Variants in PKHD1 observed in about 807,000 individuals in gnomAD.
PKHD1 encodes fibrocystin.
A neutral mutation model predicts 412.0 loss-of-function variants in PKHD1; 291 were observed. The observed-to-expected ratio is 0.71, with a 90% CI of 0.64 to 0.78. PKHD1 has a LOEUF of 0.78. Ranked by LOEUF, PKHD1 falls within the 30% of genes least tolerant of loss-of-function variation. The pLI is 0.00. For synonymous variants in PKHD1, 1,777 were observed against 1,821.5 expected, an observed-to-expected ratio of 0.98 and a Z score of 0.62; for missense variants, 4,825 against 4,950.7, an observed-to-expected ratio of 0.97 and a Z score of 0.76.
Position 51,883,195 on chromosome 6 carries a change from G to T in PKHD1, c.7248C>A (p.Asn2416Lys). 10 of 1,612,362 alleles carry T rather than the reference G, an allele frequency of 6.2e-6. No homozygotes were observed. The highest frequency in any genetic ancestry group is 8.5e-6 in the Non-Finnish European group (10 of 1,178,446). ...IFRSSNLRLK[N>K]FKVYSCRDFG... ...AATCTCTGCATGAATAAACTTTGAA[G>T]TTTTTCAGGCGAAGATTGCTACTTC... The change falls in exon 46 of 67, where the codon AAC (asparagine) becomes AAA (lysine). Residue 2416 changes from asparagine to lysine, a missense_variant. Physicochemically the swap from Asn to Lys is moderately conservative, Grantham distance 94 (BLOSUM62 0). Coordinates refer to ENST00000371117, the MANE Select transcript of PKHD1 (RefSeq NM_138694.4).
At chr6:51,712,214 T>G (rs1350708618) in intron 60 of PKHD1, among the ~76,000 whole-genome samples, 1 of 152,122 alleles carries the variant, frequency 6.6e-6, no homozygotes, top group Non-Finnish European at 1.5e-5. Flanking sequence ...GGCCCCAAAT[T>G]TCAAAAGTTC....
intron 49 of PKHD1, among the ~76,000 whole-genome samples, chr6:51,851,998 G>A (rs942600996): frequency 6.6e-6 from 1 of 151,976 alleles, no homozygotes; most frequent in Non-Finnish European, 1.5e-5. Context: ...TGTGATGTTA[G>A]GGTATCGATT....
At chr6:51,973,432 C>T (rs1300927892) in intron 35 of PKHD1, among the ~76,000 whole-genome samples, 1 of 152,136 alleles carries the variant, frequency 6.6e-6, no homozygotes, top group South Asian at 2.1e-4. Flanking sequence ...TATACACATA[C>T]GTTTATACCA....
intron 37 of PKHD1, among the ~76,000 whole-genome samples, chr6:51,932,834 T>A (rs1372402764): frequency 2.6e-5 from 4 of 152,204 alleles, no homozygotes; most frequent in Non-Finnish European, 4.4e-5. Flanking sequence ...AGATCTTGCT[T>A]CCTTTCATAG....
intron 35 of PKHD1, among the ~76,000 whole-genome samples, chr6:51,962,573 C>T (rs1274641657): frequency 1.3e-5 from 2 of 152,062 alleles, no homozygotes; most frequent in Non-Finnish European, 2.9e-5. Context: ...ATACTGTTAT[C>T]TCTACTTTCC....
In PKHD1 at chr6:51,624,603, G is replaced by T. The variant is rs559304604; in HGVS notation, c.11785+2394C>A. Among the ~76,000 whole-genome samples the T allele has an allele frequency of 3.9e-5, 6 of 152,250 alleles. No homozygotes were observed. In the East Asian group the frequency reaches 1.2e-3, roughly 29 times the overall value. On this transcript the variant is annotated intron_variant, in intron 66 of 66. Coordinates refer to ENST00000371117, the MANE Select transcript of PKHD1 (RefSeq NM_138694.4). ...TTTCTTTTAGAAGAAGGCAGGGGCG[G>T]GTCTTTTTTTTCCCCAGCAGTTGTA...
chr6:51,859,254 C>T (rs1191068793), intron 48 of PKHD1, among the ~76,000 whole-genome samples: 2 of 152,020 alleles, frequency 1.3e-5, no homozygotes, highest in Non-Finnish European at 2.9e-5. Flanking sequence ...CGGCCGGGAG[C>T]GGTGGCTTAT....
At chr6:51,746,208 C>T (rs1325016841) in intron 59 of PKHD1, among the ~76,000 whole-genome samples, 1 of 152,132 alleles carries the variant, frequency 6.6e-6, no homozygotes, top group Non-Finnish European at 1.5e-5. Context: ...TAGACCTCAT[C>T]GTTCAGTTCA....
intron 35 of PKHD1, among the ~76,000 whole-genome samples, chr6:51,991,383 A>G (rs1797024130): frequency 6.6e-6 from 1 of 152,252 alleles, no homozygotes; most frequent in Non-Finnish European, 1.5e-5. Flanking sequence ...AATGTAAAAT[A>G]TAGCCACTAT....
chr6:52,006,030 T>A (rs941100525), intron 35 of PKHD1, among the ~76,000 whole-genome samples: 1 of 150,338 alleles, frequency 6.7e-6, no homozygotes, highest in Non-Finnish European at 1.5e-5. Flanking sequence ...GAGGAAGCAA[T>A]GGAAAGAAAC....
At chr6:52,027,930 T>G in intron 30 of PKHD1, 34 bp from the exon 31 acceptor site, 1 of 1,520,268 alleles carries the variant, frequency 6.6e-7, no homozygotes, top group Non-Finnish European at 9.1e-7. Flanking sequence ...AGGAAATAAC[T>G]GACAGAGAGA....
chr6:51,940,550 C>G (rs566985460), intron 36 of PKHD1, among the ~76,000 whole-genome samples: 17 of 151,840 alleles, frequency 1.1e-4, no homozygotes, highest in African/African-American at 4.1e-4. Flanking sequence ...CACTGAAAAT[C>G]GGACTGTTCA....
At chr6:51,724,907 C>T (rs1453587337) in intron 60 of PKHD1, among the ~76,000 whole-genome samples, 1 of 152,014 alleles carries the variant, frequency 6.6e-6, no homozygotes, top group East Asian at 1.9e-4. Context: ...AAGGGGTGAA[C>T]TAGATAGCAA....
intron 12 of PKHD1, among the ~76,000 whole-genome samples, chr6:52,065,499 C>A (rs17638411): frequency 0.035 from 5,300 of 152,108 alleles, 116 homozygotes; most frequent in South Asian, 0.083. Context: ...AGAGGCATCC[C>A]ACCTGCTACA....
chr6:52,056,793 T>G lies in PKHD1; in HGVS notation c.1603-5A>C, dbSNP rs1807820339. ...CTCCTCAATGGTTGTTTGAATCTATTACAAAGGAAAAAAATGCCAGGAATT... is the reference window on the plus strand; with the variant it reads ...CTCCTCAATGGTTGTTTGAATCTATGACAAAGGAAAAAAATGCCAGGAATT... On this transcript the variant is annotated splice_polypyrimidine_tract_variant and splice_region_variant and intron_variant, in intron 17 of 66. Coordinates refer to ENST00000371117, the MANE Select transcript of PKHD1 (RefSeq NM_138694.4). 1 of 1,610,268 alleles carries G rather than the reference T, an allele frequency of 6.2e-7. No homozygotes were observed. Among genetic ancestry groups the G allele is most frequent in the Non-Finnish European group, 8.5e-7 (1 of 1,176,576 alleles).
chr6:52,053,289 A>G, intron 20 of PKHD1, 38 bp from the exon 21 acceptor site: 1 of 1,605,960 alleles, frequency 6.2e-7, no homozygotes, highest in Non-Finnish European at 8.5e-7. Flanking sequence ...GCTCTCAGGG[A>G]GCACTTGCAG....
chr6:51,897,411 C>T lies in PKHD1; in HGVS notation c.6996+6186G>A, dbSNP rs528877780. Among the ~76,000 whole-genome samples the T allele has an allele frequency of 2.5e-4, 38 of 152,186 alleles. No homozygotes were observed. The South Asian group carries it at 7.1e-3, about 28-fold the overall frequency. Reference sequence around the variant, plus strand: ...ACCCAGAATTTCATATCCAGCCAAACGAAGCCTCATAAGTGAAGGAGAAAT... The same window carrying T: ...ACCCAGAATTTCATATCCAGCCAAATGAAGCCTCATAAGTGAAGGAGAAAT... On this transcript the variant is annotated intron_variant, in intron 43 of 66. Coordinates refer to ENST00000371117, the MANE Select transcript of PKHD1 (RefSeq NM_138694.4).
intron 60 of PKHD1, among the ~76,000 whole-genome samples, chr6:51,700,833 CAA>C (rs2150700252): frequency 6.6e-6 from 1 of 152,220 alleles, no homozygotes; most frequent in South Asian, 2.1e-4. Flanking sequence ...GCAAGCAACT[CAA>C]AGAGTTCAAC....
At chr6:51,787,165 C>T (rs1034040443) in intron 53 of PKHD1, among the ~76,000 whole-genome samples, 5 of 152,110 alleles carry the variant, frequency 3.3e-5, no homozygotes, top group African/African-American at 1.2e-4. Context: ...TCAAGACCAG[C>T]CTGGCCAACA....
Sources: allele counts gnomAD v4.1 joint callset (sites outside exome capture counted in the v4.1 genomes callset), GRCh38; gene constraint gnomAD v4.1.1; transcripts MANE v1.5; gene names NCBI Gene and HGNC (gene_info 2026-07-23, HGNC 2026-07-21).